The following ADGRB1 variants were observed in gnomAD, a reference collection of about 807,000 sequenced individuals.
ADGRB1 encodes the protein adhesion G protein-coupled receptor B1.
Under a neutral mutation model 175.7 loss-of-function variants are expected in ADGRB1, and 36 were observed. That is an observed-to-expected ratio of 0.20 (90% CI 0.16 to 0.27). The LOEUF is 0.27. Ranked by LOEUF, ADGRB1 falls within the 10% of genes least tolerant of loss-of-function variation. The pLI, the probability that ADGRB1 is intolerant of heterozygous loss-of-function variation, is 1.00. For synonymous variants in ADGRB1, 1,054 were observed against 979.4 expected (o/e 1.08, Z -1.42); for missense variants, 1,731 against 2,255.3 (o/e 0.77, Z 4.71).
At chr8:142,469,058 G>A (rs889135357) in intron 2 of ADGRB1, among the ~76,000 whole-genome samples, 6 of 152,260 alleles carry the variant, frequency 3.9e-5, no homozygotes, top group African/African-American at 1.4e-4. Flanking sequence ...GCAGGCTGAT[G>A]GCAGAGCCCC....
intron 17 of ADGRB1, among the ~76,000 whole-genome samples, chr8:142,494,516 C>G (rs892240106): frequency 1.3e-5 from 2 of 152,054 alleles, no homozygotes; most frequent in African/African-American, 2.4e-5. Flanking sequence ...AGCAACTGAC[C>G]ATGTGACCCA....
At chr8:142,499,384 G>A (rs772927902) in intron 17 of ADGRB1, among the ~76,000 whole-genome samples, 1 of 152,224 alleles carries the variant, frequency 6.6e-6, no homozygotes, top group Non-Finnish European at 1.5e-5. Flanking sequence ...AGTCCAGGAC[G>A]GCTTCTGAGA....
At position 142,504,962 on chromosome 8, in the gene ADGRB1, C is replaced by A. The variant is rs1233344890; in HGVS notation, c.2676-5970C>A. ...CACACTAGAGTGTGAATTAGCCCAT[C>A]AAATCCAAGGGGACCCCGACAGCGC... On this transcript the variant is annotated intron_variant, in intron 17 of 30. Coordinates refer to ENST00000517894, the MANE Select transcript of ADGRB1 (RefSeq NM_001702.3). This position sits in a 1 kb window ranked among gnomAD's most constrained non-coding sequence, Gnocchi z 5.6. 1.3e-5 allele frequency among the ~76,000 whole-genome samples: 2 copies of A among 151,858 alleles called. No individual in the cohort carries two copies. Among genetic ancestry groups the A allele is most frequent in the African/African-American group, 4.8e-5 (2 of 41,272 alleles).
At chr8:142,514,048 G>A (rs778192973) in intron 18 of ADGRB1, among the ~76,000 whole-genome samples, 11 of 152,064 alleles carry the variant, frequency 7.2e-5, no homozygotes, top group Admixed American at 7.2e-4. Flanking sequence ...TTGGGGAGGC[G>A]GCCAGAAGTG....
At chr8:142,460,542 CT>C (rs1296052124) in intron 1 of ADGRB1, among the ~76,000 whole-genome samples, 2 of 152,198 alleles carry the variant, frequency 1.3e-5, no homozygotes, top group African/African-American at 4.8e-5. Context: ...CCACACCCCC[CT>C]GACTTGCTGA....
In ADGRB1 at chr8:142,544,571, A is replaced by G. The variant is rs967750356; in HGVS notation, c.*154A>G. 4.4e-6 allele frequency: 4 copies of G among 912,854 alleles called. No individual in the cohort carries two copies. The highest frequency in any genetic ancestry group is 3.9e-5 in the Admixed American group (1 of 25,428). 56.5% of individuals were successfully genotyped at this position (912,854 alleles called of 1,614,324 possible). A position where few individuals can be genotyped will look rare whatever the true frequency, so the allele number is the denominator to read the frequency against. ...GACGGCGGCCAGGCACAGGGCCCGC[A>G]GTGCTGGGACCAGAGCCAGATGCAG... On this transcript the variant is annotated 3_prime_UTR_variant, in exon 31 of 31. Coordinates refer to ENST00000517894, the MANE Select transcript of ADGRB1 (RefSeq NM_001702.3).
At chr8:142,501,468 T>TGGC (rs1372283025) in intron 17 of ADGRB1, among the ~76,000 whole-genome samples, 3 of 95,292 alleles carry the variant, frequency 3.1e-5, no homozygotes, top group African/African-American at 1.2e-4. Flanking sequence ...GGAGGTGGGG[T>TGGC]GGTGGTGGTG....
chr8:142,507,235 T>C (rs1413849261), intron 17 of ADGRB1, among the ~76,000 whole-genome samples: 1 of 152,168 alleles, frequency 6.6e-6, no homozygotes, highest in Non-Finnish European at 1.5e-5. Flanking sequence ...AGGGTCCCTG[T>C]CCCTGGGCTG....
chr8:142,521,405 C>G (rs1041589672), intron 20 of ADGRB1, among the ~76,000 whole-genome samples: 3 of 152,216 alleles, frequency 2.0e-5, no homozygotes, highest in Non-Finnish European at 4.4e-5. Flanking sequence ...CCTGTGGTCT[C>G]CAGCCCCATC....
At chr8:142,469,426 CGT>C (rs1563684719) in intron 2 of ADGRB1, among the ~76,000 whole-genome samples, 4 of 127,708 alleles carry the variant, frequency 3.1e-5, no homozygotes. Flanking sequence ...AGTGTGTGCA[CGT>C]GTGAATGAGT....
At chr8:142,529,978 A>G (rs534848324) in intron 24 of ADGRB1, among the ~76,000 whole-genome samples, 13 of 138,496 alleles carry the variant, frequency 9.4e-5, no homozygotes, top group Non-Finnish European at 1.9e-4. Flanking sequence ...ATACGTGCAA[A>G]CGTGCATCTG....
chr8:142,489,258 C>T (rs1025797220), intron 15 of ADGRB1, 78 bp from the exon 16 acceptor site: 7 of 1,573,934 alleles, frequency 4.4e-6, no homozygotes, highest in Non-Finnish European at 5.2e-6. Flanking sequence ...CAGGGGCCCT[C>T]GGGGGCACCT....
intron 2 of ADGRB1, among the ~76,000 whole-genome samples, chr8:142,466,206 G>A (rs1441719859): frequency 1.3e-5 from 2 of 152,190 alleles, no homozygotes; most frequent in Non-Finnish European, 2.9e-5. Flanking sequence ...TATACTCAAG[G>A]CTGGAGGGCC....
At chr8:142,502,814 G>A (rs1842688079) in intron 17 of ADGRB1, among the ~76,000 whole-genome samples, 1 of 151,884 alleles carries the variant, frequency 6.6e-6, no homozygotes, top group Admixed American at 6.6e-5. Context: ...GGTAGCAATG[G>A]TTGTGTTGTT....
rs1220677989 is a variant in ADGRB1, at chr8:142,543,887, G to A, written c.4557+179G>A. Reference sequence around the variant, plus strand: ...GACCCTGCCATGCCAGACTCTGGAGGCCATGGCCATACTGGGAGCTGAGCG... The same window carrying A: ...GACCCTGCCATGCCAGACTCTGGAGACCATGGCCATACTGGGAGCTGAGCG... On this transcript the variant is annotated intron_variant, in intron 30 of 30. Transcript: ENST00000517894. The surrounding 1 kb of genome is among the most constrained non-coding windows in gnomAD (Gnocchi z 4.4). Among the ~76,000 whole-genome samples, 4 of 152,098 alleles carry A rather than the reference G, an allele frequency of 2.6e-5. No homozygotes were observed. The highest frequency in any genetic ancestry group is 9.7e-5 in the African/African-American group (4 of 41,426).
chr8:142,471,461 GGCTTTCAGGCTTGT>G (rs1471086582), intron 2 of ADGRB1, among the ~76,000 whole-genome samples: 1 of 152,224 alleles, frequency 6.6e-6, no homozygotes, highest in Non-Finnish European at 1.5e-5. Flanking sequence ...ATGGGCCCTG[GGCTTTCAGGCTTGT>G]AAACAGGGCA....
intron 26 of ADGRB1, among the ~76,000 whole-genome samples, chr8:142,538,296 C>CA (rs1845058803): frequency 6.6e-6 from 1 of 152,206 alleles, no homozygotes; most frequent in Non-Finnish European, 1.5e-5. Flanking sequence ...AGCTCACAGG[C>CA]AGGGCCTCAG....
intron 25 of ADGRB1, among the ~76,000 whole-genome samples, chr8:142,535,537 G>C (rs1844874222): frequency 6.6e-6 from 1 of 152,186 alleles, no homozygotes; most frequent in Admixed American, 6.5e-5. Context: ...CCTCGGGGGT[G>C]GTGGCCAGGG....
Position 142,474,643 on chromosome 8 carries a change from C to T in ADGRB1, c.785-831C>T, listed in dbSNP as rs565249951. ...GCAGCCCAAAGTGTTTTTGGCAGCA[C>T]GAGGACCCCCCGGGAGCAGAGACTC... On this transcript the variant is annotated intron_variant, in intron 2 of 30. Coordinates refer to ENST00000517894, the MANE Select transcript of ADGRB1 (RefSeq NM_001702.3). The surrounding 1 kb of genome is among the most constrained non-coding windows in gnomAD (Gnocchi z 5.8). 1.7e-4 allele frequency among the ~76,000 whole-genome samples: 26 copies of T among 152,190 alleles called. No homozygotes were observed. Among genetic ancestry groups the T allele is most frequent in the Admixed American group, 1.0e-3 (16 of 15,300 alleles).
Sources: gnomAD v4.1 joint callset for allele counts (sites outside exome capture counted in the v4.1 genomes callset) on GRCh38, gnomAD v4.1.1 for gene constraint, Gnocchi (gnomAD v3.1) non-coding constraint, MANE v1.5 for transcripts, NCBI Gene and HGNC (gene_info 2026-07-23, HGNC 2026-07-21) for gene names.